CD109: variants seen among roughly 807,000 people sequenced by gnomAD.
CD109 encodes the protein CD109 antigen.
CD109 carries 149 observed loss-of-function variants against 165.8 expected under a neutral mutation model. That is an observed-to-expected ratio of 0.90 (90% confidence interval 0.79 to 1.03). The LOEUF (loss-of-function observed/expected upper bound fraction) is 1.03, where lower values mean the gene tolerates loss of function less well. Ranked by LOEUF, CD109 falls within the 50% of genes least tolerant of loss-of-function variation. The pLI is 0.00. For synonymous variants in CD109, 585 were observed against 592.1 expected (o/e 0.99, Z 0.18); for missense variants, 1,712 against 1,677.8 (o/e 1.02, Z -0.36).
intron 14 of CD109, among the ~76,000 whole-genome samples, chr6:73,769,219 T>A (rs1234871940): frequency 6.6e-6 from 1 of 152,166 alleles, no homozygotes; most frequent in Admixed American, 6.5e-5. Context: ...GAATTATTAC[T>A]CTCACTTTGA....
In CD109 at chr6:73,736,497, G is replaced by T. The variant is rs1400431273; in HGVS notation, c.622G>T (p.Val208Phe). 1 of 1,611,060 alleles carries T rather than the reference G, an allele frequency of 6.2e-7. No homozygotes were observed. Among genetic ancestry groups the T allele is most frequent in the South Asian group, 1.1e-5 (1 of 90,578 alleles). ...AATACTTGGTGACTGGTCTATTCAAGTTCAAGTGAATGTGAGTATAAATAT... is the reference window on the plus strand; with the variant it reads ...AATACTTGGTGACTGGTCTATTCAATTTCAAGTGAATGTGAGTATAAATAT... ...HPILGDWSIQ[V>F]QVNDQTYYQS... The change falls in exon 5 of 33, where the codon GTT becomes TTT. Residue 208 changes from valine (V) to phenylalanine (F), a missense_variant. By Grantham distance (50) the Val-to-Phe change is conservative. Coordinates refer to ENST00000287097, the MANE Select transcript of CD109 (RefSeq NM_133493.5).
intron 5 of CD109, among the ~76,000 whole-genome samples, chr6:73,748,451 A>G (rs572086297): frequency 1.6e-4 from 24 of 152,222 alleles, no homozygotes; most frequent in Non-Finnish European, 2.9e-4. Flanking sequence ...CTCTCTGTAA[A>G]TGTTAATTCA....
At position 73,795,235 on chromosome 6, in the gene CD109, C is replaced by T. The variant is rs530812127; in HGVS notation, c.2878+2433C>T. The stretch of plus-strand genomic sequence containing the variant: ...TAAGGTAAAATATTTCAGAAAATGC[C>T]ACATATAACTCCATATTTACATATG... On this transcript the variant is annotated intron_variant, in intron 23 of 32. Coordinates refer to ENST00000287097, the MANE Select transcript of CD109 (RefSeq NM_133493.5). Among the ~76,000 whole-genome samples the T allele has an allele frequency of 6.6e-4, 69 of 104,812 alleles. 1 individual carries two copies. The highest frequency in any genetic ancestry group is 6.4e-3 in the Admixed American group (68 of 10,644). The allele number at this position is 104,812 out of a possible 152,430, so 68.8% of individuals were successfully genotyped here. A position where few individuals can be genotyped will look rare whatever the true frequency, so the allele number is the denominator to read the frequency against.
At position 73,792,813 on chromosome 6, in the gene CD109, T is replaced by TAG; in HGVS notation, c.2878+15_2878+16dup. 1 of 1,599,584 alleles carries TAG rather than the reference T, an allele frequency of 6.3e-7. No homozygotes were observed. The highest frequency in any genetic ancestry group is 8.5e-7 in the Non-Finnish European group (1 of 1,176,714). ...CATTTATGAGGCAAGGTAAGCATTT[T>TAG]AGAGACCTACATTTGTTCGTAGAAA... On this transcript the variant is annotated intron_variant, in intron 23 of 32. Coordinates refer to ENST00000287097, the MANE Select transcript of CD109 (RefSeq NM_133493.5).
At chr6:73,743,810 C>T (rs947756518) in intron 5 of CD109, among the ~76,000 whole-genome samples, 3 of 152,174 alleles carry the variant, frequency 2.0e-5, no homozygotes, top group Non-Finnish European at 4.4e-5. Context: ...TTCCAAAATA[C>T]TTTCACTAGT....
chr6:73,690,666 C>T, the CD109 span, among the ~76,000 whole-genome samples: 4 of 152,244 alleles, frequency 2.6e-5, no homozygotes, highest in East Asian at 1.9e-4. Flanking sequence ...CTCCCAAGTG[C>T]TGGGATTACA....
chr6:73,713,751 T>C (rs1771618929), intron 2 of CD109, among the ~76,000 whole-genome samples: 1 of 152,230 alleles, frequency 6.6e-6, no homozygotes, highest in Non-Finnish European at 1.5e-5. Flanking sequence ...ACTTCTACTA[T>C]GAAATGAGAT....
At chr6:73,770,747 TCAAAAA>T (rs1401637469) in intron 14 of CD109, among the ~76,000 whole-genome samples, 1 of 152,150 alleles carries the variant, frequency 6.6e-6, no homozygotes, top group East Asian at 1.9e-4. Flanking sequence ...AAACTCCATC[TCAAAAA>T]CAAAAAAAGA....
intron 11 of CD109, among the ~76,000 whole-genome samples, chr6:73,766,509 ATATATG>A (rs1245907063): frequency 7.4e-6 from 1 of 134,342 alleles, no homozygotes; most frequent in African/African-American, 2.9e-5. Context: ...ATACACACAT[ATATATG>A]TATATGTATA....
At chr6:73,791,525 C>T (rs1440246499) in intron 22 of CD109, among the ~76,000 whole-genome samples, 1 of 151,798 alleles carries the variant, frequency 6.6e-6, no homozygotes, top group Non-Finnish European at 1.5e-5. Context: ...TAAATATGTA[C>T]CATCACTCCT....
chr6:73,771,294 TG>T lies in CD109; in HGVS notation c.1675-134del, dbSNP rs556584933. On this transcript the variant is annotated intron_variant, in intron 14 of 32. Transcript: ENST00000287097. ...TATTCCTTTCCCTAGAGAAGGGTTATGCATGGTTTTAGAATTATCCCTGAGC... is the reference window on the plus strand; with the variant it reads ...TATTCCTTTCCCTAGAGAAGGGTTATCATGGTTTTAGAATTATCCCTGAGC... 207 of 625,790 alleles carry T rather than the reference TG, an allele frequency of 3.3e-4. No individual in the cohort carries two copies. The East Asian group carries it at 5.9e-3, about 18-fold the overall frequency. 38.8% of individuals were successfully genotyped at this position (625,790 alleles called of 1,614,324 possible).
intron 15 of CD109, among the ~76,000 whole-genome samples, chr6:73,776,984 A>ATTTT (rs36173181): frequency 1.9e-5 from 2 of 102,914 alleles, no homozygotes; most frequent in Non-Finnish European, 3.8e-5. Flanking sequence ...TCCTTTGCCC[A>ATTTT]TTTTTTTTTT....
At chr6:73,737,535 G>A (rs1396807447) in intron 5 of CD109, among the ~76,000 whole-genome samples, 2 of 152,210 alleles carry the variant, frequency 1.3e-5, no homozygotes, top group Non-Finnish European at 2.9e-5. Flanking sequence ...CATACTGTTA[G>A]AGAACAATGT....
chr6:73,688,794 G>A, the CD109 span, among the ~76,000 whole-genome samples: 1 of 107,816 alleles, frequency 9.3e-6, no homozygotes, highest in African/African-American at 3.8e-5. Flanking sequence ...TTTTGAGACA[G>A]GGTCTCCTTC....
intron 5 of CD109, among the ~76,000 whole-genome samples, chr6:73,739,099 A>T (rs1031915141): frequency 6.6e-6 from 1 of 152,218 alleles, no homozygotes; most frequent in African/African-American, 2.4e-5. Flanking sequence ...TCTTAAAACG[A>T]ATGTGTGAAA....
At chr6:73,697,841 A>G (rs545579548) in intron 2 of CD109, among the ~76,000 whole-genome samples, 135 of 152,234 alleles carry the variant, frequency 8.9e-4, no homozygotes, top group African/African-American at 2.9e-3. Context: ...GAGTTTCTTC[A>G]TGGGAGAAGG....
intron 22 of CD109, among the ~76,000 whole-genome samples, chr6:73,791,457 A>G (rs970141835): frequency 1.3e-5 from 2 of 151,738 alleles, no homozygotes; most frequent in African/African-American, 2.4e-5. Context: ...CATGCACTAC[A>G]CATACATACA....
the CD109 span, among the ~76,000 whole-genome samples, chr6:73,690,774 G>A: frequency 1.1e-4 from 16 of 152,270 alleles, no homozygotes; most frequent in African/African-American, 3.9e-4. Flanking sequence ...AATTAAATGG[G>A]AAAAGTAGGA....
intron 5 of CD109, among the ~76,000 whole-genome samples, chr6:73,753,036 C>T (rs867023048): frequency 6.6e-6 from 1 of 152,080 alleles, no homozygotes; most frequent in Non-Finnish European, 1.5e-5. Context: ...ACATTTTATT[C>T]CTTTTTTTAA....
Sources: allele counts gnomAD v4.1 joint callset (sites outside exome capture counted in the v4.1 genomes callset), GRCh38; gene constraint gnomAD v4.1.1; transcripts MANE v1.5; gene names NCBI Gene and HGNC (gene_info 2026-07-23, HGNC 2026-07-21).